The following AGBL1 variants were observed in gnomAD, a reference collection of about 807,000 sequenced individuals.
AGBL1 encodes cytosolic carboxypeptidase 4.
Under a neutral mutation model 118.9 loss-of-function variants are expected in AGBL1, and 130 were observed. That is an observed-to-expected ratio of 1.09 (90% CI 0.95 to 1.26). The LOEUF (loss-of-function observed/expected upper bound fraction) is 1.26, where lower values mean the gene tolerates loss of function less well. Ranked by LOEUF, AGBL1 falls within the 50% of genes most tolerant of loss-of-function variation. AGBL1 has a pLI of 0.00. For synonymous variants in AGBL1, 555 were observed against 478.9 expected (o/e 1.16, Z -2.08); for missense variants, 1,584 against 1,298.1 (o/e 1.22, Z -3.38).
intron 19 of AGBL1, among the ~76,000 whole-genome samples, chr15:86,530,097 C>T: frequency 7.4e-6 from 1 of 134,812 alleles, no homozygotes; most frequent in African/African-American, 3.8e-5. Context: ...GGATCAAATT[C>T]ACACATAACA....
rs1293811135 is a variant in AGBL1 at position 86,674,337 on chromosome 15, T to A, written c.3059T>A (p.Ile1020Asn). Reference sequence around the variant, plus strand: ...GCCATGTTCTGTTTGGGCCTCCTCATCCTGGAGCTCAAATCTGCCAGCTGC... The same window carrying A: ...GCCATGTTCTGTTTGGGCCTCCTCAACCTGGAGCTCAAATCTGCCAGCTGC... ...MGAMFCLGLL[I>N]LELKSASCSH... Residue 1020 changes from isoleucine to asparagine, a missense_variant, in exon 22 of 23, where the codon ATC becomes AAC. Coordinates refer to ENST00000614907, the MANE Select transcript of AGBL1 (RefSeq NM_001386094.1). 8 of 1,612,240 alleles carry A rather than the reference T, an allele frequency of 5.0e-6. No homozygotes were observed. The highest frequency in any genetic ancestry group is 6.8e-6 in the Non-Finnish European group (8 of 1,179,284).
intron 17 of AGBL1, among the ~76,000 whole-genome samples, chr15:86,374,779 A>AG (rs2081016613): frequency 6.6e-6 from 1 of 152,208 alleles, no homozygotes; most frequent in African/African-American, 2.4e-5. Context: ...GGCACACAGG[A>AG]GCCAGACTGC....
intron 22 of AGBL1, among the ~76,000 whole-genome samples, chr15:86,720,624 T>A (rs1475582469): frequency 6.6e-6 from 1 of 152,142 alleles, no homozygotes; most frequent in East Asian, 1.9e-4. Flanking sequence ...CCTTTAGCCA[T>A]TGTGGCTGTC....
intron 1 of AGBL1, among the ~76,000 whole-genome samples, chr15:86,132,260 T>C (rs1454282813): frequency 6.6e-6 from 1 of 152,108 alleles, no homozygotes; most frequent in Non-Finnish European, 1.5e-5. Context: ...CCCAGTGTTT[T>C]TGGAATGAAG....
chr15:86,429,303 T>C (rs917662011), intron 18 of AGBL1, among the ~76,000 whole-genome samples: 2 of 152,242 alleles, frequency 1.3e-5, no homozygotes, highest in Non-Finnish European at 2.9e-5. Flanking sequence ...GCCAGTCTTA[T>C]GGCAAAACTC....
chr15:86,372,654 G>A (rs926907701), intron 17 of AGBL1, among the ~76,000 whole-genome samples: 5 of 152,128 alleles, frequency 3.3e-5, no homozygotes, highest in East Asian at 3.9e-4. Flanking sequence ...TCTTATGGTC[G>A]TAGTTTTCCT....
rs565246462 is a variant in AGBL1 at position 86,123,292 on chromosome 15, T to C, written c.52-18712T>C. Reference sequence around the variant, plus strand: ...TCTTGCTCTGTTGCCCACACTGGAGTGCAGTGGCACAATCTCAGCTCACTG... The same window carrying C: ...TCTTGCTCTGTTGCCCACACTGGAGCGCAGTGGCACAATCTCAGCTCACTG... On this transcript the variant is annotated intron_variant, in intron 1 of 22. Transcript: ENST00000614907. 4.6e-5 allele frequency among the ~76,000 whole-genome samples: 7 copies of C among 152,274 alleles called. No individual in the cohort carries two copies. In the East Asian group the frequency reaches 1.4e-3, roughly 29 times the overall value.
At chr15:86,539,680 T>G (rs2083468592) in intron 19 of AGBL1, among the ~76,000 whole-genome samples, 1 of 152,202 alleles carries the variant, frequency 6.6e-6, no homozygotes, top group African/African-American at 2.4e-5. Flanking sequence ...TACAGATCCT[T>G]CTTGCTGTTT....
At chr15:86,137,803 T>G (rs540614709) in intron 1 of AGBL1, among the ~76,000 whole-genome samples, 32 of 152,216 alleles carry the variant, frequency 2.1e-4, no homozygotes, top group South Asian at 1.2e-3. Context: ...CATCCTGTAT[T>G]TGAAGCAAAT....
intron 23 of AGBL1, among the ~76,000 whole-genome samples, chr15:86,954,465 C>G (rs917850208): frequency 6.6e-6 from 1 of 152,132 alleles, no homozygotes; most frequent in Admixed American, 6.6e-5. Flanking sequence ...GAACACTGTG[C>G]AGCTATAGAA....
At position 86,080,052 on chromosome 15, in the gene AGBL1, C is replaced by A. The variant is rs910549293; in HGVS notation, c.51+29C>A. 2.4e-5 allele frequency: 29 copies of A among 1,231,808 alleles called. No individual in the cohort carries two copies. In the African/African-American group the frequency reaches 4.2e-4, roughly 18 times the overall value. 76.3% of individuals were successfully genotyped at this position (1,231,808 alleles called of 1,614,324 possible). ...GGAAAGGGTAGAGTGGGTGCAGAAC[C>A]CGGCGGGCTGGGTGTTTGCCTGGGC... is the stretch of plus-strand genomic sequence containing the variant. On this transcript the variant is annotated intron_variant, in intron 1 of 22. Transcript: ENST00000614907.
At chr15:86,266,644 T>A (rs773117510) in intron 12 of AGBL1, among the ~76,000 whole-genome samples, 187 bp downstream of exon 12, 6 of 152,232 alleles carry the variant, frequency 3.9e-5, no homozygotes, top group Non-Finnish European at 1.5e-5. Context: ...GGCTCACGCC[T>A]GTAATCCCAG....
chr15:86,832,105 G>C (rs922213719), intron 22 of AGBL1, among the ~76,000 whole-genome samples: 2 of 152,186 alleles, frequency 1.3e-5, no homozygotes, highest in Admixed American at 6.5e-5. Context: ...AGAGCACTAA[G>C]TCCGAGACTG....
At chr15:86,731,538 T>C (rs2077527579) in intron 22 of AGBL1, among the ~76,000 whole-genome samples, 1 of 152,222 alleles carries the variant, frequency 6.6e-6, no homozygotes. Flanking sequence ...TCCAGCTTTG[T>C]TCTTCTGGGA....
intron 18 of AGBL1, among the ~76,000 whole-genome samples, chr15:86,480,176 G>A (rs924647719): frequency 1.2e-4 from 19 of 152,148 alleles, no homozygotes. Flanking sequence ...CATGGCACAT[G>A]TAACAAACCT....
At position 86,463,990 on chromosome 15, in the gene AGBL1, G is replaced by A. The variant is rs1396671853; in HGVS notation, c.2556-58820G>A. On this transcript the variant is annotated intron_variant, in intron 18 of 22. Transcript: ENST00000614907. ...TGATTCTATAAAGAAGGTCAATGGT[G>A]GCTTGATGGGAATAGCATTGAATCT... 2.6e-5 allele frequency among the ~76,000 whole-genome samples: 4 copies of A among 152,214 alleles called. No individual in the cohort carries two copies. The East Asian group carries it at 7.7e-4, about 29-fold the overall frequency.
At position 86,422,330 on chromosome 15, in the gene AGBL1, C is replaced by T. The variant is rs1003632527; in HGVS notation, c.2555+24784C>T. Among the ~76,000 whole-genome samples the T allele has an allele frequency of 4.6e-5, 7 of 152,218 alleles. No individual in the cohort carries two copies. The East Asian group carries it at 5.8e-4, about 13-fold the overall frequency. On this transcript the variant is annotated intron_variant, in intron 18 of 22. Coordinates refer to ENST00000614907, the MANE Select transcript of AGBL1 (RefSeq NM_001386094.1). ...GCACGACTACATGGAAACTGAACAACCTGCTCCTGAATGACTACTGGGTAA... is the reference window on the plus strand; with the variant it reads ...GCACGACTACATGGAAACTGAACAATCTGCTCCTGAATGACTACTGGGTAA...
intron 18 of AGBL1, among the ~76,000 whole-genome samples, chr15:86,513,366 G>C (rs1295644965): frequency 6.6e-6 from 1 of 151,898 alleles, no homozygotes; most frequent in Non-Finnish European, 1.5e-5. Flanking sequence ...TTCTGGCAAG[G>C]TTGTCACACA....
intron 22 of AGBL1, among the ~76,000 whole-genome samples, chr15:86,821,381 T>G (rs2078941650): frequency 6.6e-6 from 1 of 152,110 alleles, no homozygotes. Flanking sequence ...TTAGGGAGAA[T>G]AACATTGAAT....
Sources: allele counts gnomAD v4.1 joint callset (sites outside exome capture counted in the v4.1 genomes callset), GRCh38; gene constraint gnomAD v4.1.1; transcripts MANE v1.5; gene names NCBI Gene and HGNC (gene_info 2026-07-23, HGNC 2026-07-21).